Variants in NCKAP5 observed in about 807,000 individuals in gnomAD.
The protein encoded by NCKAP5 is NCK associated protein 5, also known as nck-associated protein 5.
A neutral mutation model predicts 167.0 loss-of-function variants in NCKAP5; 92 were observed. That is an observed-to-expected ratio of 0.55 (90% CI 0.47 to 0.66). NCKAP5 has a LOEUF of 0.66. Ranked by LOEUF, NCKAP5 falls within the 30% of genes least tolerant of loss-of-function variation. The pLI is 0.00. For synonymous variants in NCKAP5, 891 were observed against 877.4 expected (o/e 1.02, Z -0.27); for missense variants, 2,378 against 2,315.0 (o/e 1.03, Z -0.56).
At chr2:132,773,674 A>C in intron 16 of NCKAP5, 142 bp downstream of exon 16, 2 of 663,392 alleles carry the variant, frequency 3.0e-6, no homozygotes, top group Non-Finnish European at 5.0e-6. Flanking sequence ...CCAATGTCTA[A>C]GGAGATAATG....
chr2:133,591,751 A>T, the NCKAP5 span, among the ~76,000 whole-genome samples: 1 of 152,218 alleles, frequency 6.6e-6, no homozygotes, highest in Non-Finnish European at 1.5e-5. Flanking sequence ...GAAATGAGGA[A>T]TTGAAGCTCA....
chr2:133,104,104 G>A (rs962798158), intron 6 of NCKAP5, among the ~76,000 whole-genome samples: 7 of 150,944 alleles, frequency 4.6e-5, no homozygotes, highest in African/African-American at 1.7e-4. Context: ...TTCTTGACCT[G>A]AAACAAAATC....
intron 3 of NCKAP5, among the ~76,000 whole-genome samples, chr2:133,505,108 T>C (rs78096865): frequency 0.066 from 9,978 of 152,198 alleles, 371 homozygotes; most frequent in South Asian, 0.16. Flanking sequence ...CTATGGGCAC[T>C]TCTGGAAGCT....
chr2:133,345,558 A>T (rs1683914834), intron 3 of NCKAP5, among the ~76,000 whole-genome samples: 2 of 152,170 alleles, frequency 1.3e-5, no homozygotes. Context: ...CATCCCAATG[A>T]TTCTAGTTTA....
At chr2:133,270,474 T>C (rs968928785) in intron 4 of NCKAP5, among the ~76,000 whole-genome samples, 8 of 152,276 alleles carry the variant, frequency 5.3e-5, no homozygotes, top group Admixed American at 4.6e-4. Context: ...AGCCATTAAG[T>C]AAAGGTTTGA....
rs527913967 is a variant in NCKAP5 at position 132,681,376 on chromosome 2, G to A, written c.5714-8071C>T. Among the ~76,000 whole-genome samples the A allele has an allele frequency of 1.7e-4, 25 of 147,222 alleles. No homozygotes were observed. In the South Asian group the frequency reaches 4.3e-3, roughly 25 times the overall value. On this transcript the variant is annotated intron_variant, in intron 19 of 19. Coordinates refer to ENST00000409261, the MANE Select transcript of NCKAP5 (RefSeq NM_207363.3). ...TTTTTTTTTAACTACCCTTTGCATC[G>A]TTTTATGTCTTAAATATGTCTTAAA... is the stretch of plus-strand genomic sequence containing the variant.
chr2:133,467,127 T>C (rs890508886), intron 3 of NCKAP5, among the ~76,000 whole-genome samples: 6 of 152,030 alleles, frequency 3.9e-5, no homozygotes, highest in African/African-American at 1.4e-4. Flanking sequence ...GCCCATTCAG[T>C]ATGATACTGG....
chr2:132,947,964 C>T (rs1465110687), intron 8 of NCKAP5, among the ~76,000 whole-genome samples: 2 of 152,144 alleles, frequency 1.3e-5, no homozygotes, highest in Admixed American at 1.3e-4. Flanking sequence ...CCAAACTCAA[C>T]TCACCCTGAC....
intron 3 of NCKAP5, among the ~76,000 whole-genome samples, chr2:133,489,029 C>T (rs1344772253): frequency 6.6e-6 from 1 of 152,168 alleles, no homozygotes; most frequent in Non-Finnish European, 1.5e-5. Flanking sequence ...TTTGAGGCTG[C>T]AGTGTGCCAT....
At chr2:133,000,554 C>T (rs2077743569) in intron 6 of NCKAP5, among the ~76,000 whole-genome samples, 1 of 152,184 alleles carries the variant, frequency 6.6e-6, no homozygotes, top group Admixed American at 6.5e-5. Flanking sequence ...TCAACACATA[C>T]TTCACTTTGG....
intron 2 of NCKAP5, among the ~76,000 whole-genome samples, chr2:133,525,145 A>C (rs950410510): frequency 7.9e-5 from 12 of 152,246 alleles, no homozygotes; most frequent in African/African-American, 9.6e-5. Flanking sequence ...ATTTAGAAGA[A>C]GATTAAATGC....
intron 3 of NCKAP5, among the ~76,000 whole-genome samples, chr2:133,315,091 G>A (rs1177187456): frequency 1.3e-5 from 2 of 152,286 alleles, no homozygotes; most frequent in African/African-American, 4.8e-5. Flanking sequence ...AGTGACATAG[G>A]GAACAATTGC....
At chr2:133,016,938 C>T (rs771623181) in intron 6 of NCKAP5, among the ~76,000 whole-genome samples, 3 of 152,168 alleles carry the variant, frequency 2.0e-5, no homozygotes, top group Non-Finnish European at 2.9e-5. Context: ...ATTTATAATG[C>T]CTTCTACATT....
intron 6 of NCKAP5, among the ~76,000 whole-genome samples, chr2:133,042,074 A>G (rs2149457724): frequency 6.6e-6 from 1 of 152,286 alleles, no homozygotes; most frequent in South Asian, 2.1e-4. Flanking sequence ...TAATCATCTG[A>G]GGATTAAATA....
At chr2:133,515,842 C>A (rs1683940232) in intron 3 of NCKAP5, among the ~76,000 whole-genome samples, 1 of 152,264 alleles carries the variant, frequency 6.6e-6, no homozygotes, top group African/African-American at 2.4e-5. Flanking sequence ...TCGCAGCTAT[C>A]TGGGCTCTGC....
At chr2:133,174,430 T>C (rs1393675028) in intron 5 of NCKAP5, among the ~76,000 whole-genome samples, 2 of 152,190 alleles carry the variant, frequency 1.3e-5, no homozygotes, top group African/African-American at 2.4e-5. Flanking sequence ...ATGGAAGAGA[T>C]ACCTTGAGAC....
intron 3 of NCKAP5, among the ~76,000 whole-genome samples, chr2:133,370,673 G>T (rs1685744611): frequency 6.7e-6 from 1 of 149,214 alleles, no homozygotes; most frequent in Admixed American, 6.7e-5. Flanking sequence ...AGCAGTTAAT[G>T]AAGTCAATTT....
chr2:132,968,358 A>C (rs573658056), intron 7 of NCKAP5, among the ~76,000 whole-genome samples: 45 of 152,314 alleles, frequency 3.0e-4, no homozygotes, highest in South Asian at 2.3e-3. Context: ...GAAGGGATTG[A>C]ATCAGGACTT....
At chr2:133,087,944 T>C (rs2081047673) in intron 6 of NCKAP5, among the ~76,000 whole-genome samples, 1 of 152,212 alleles carries the variant, frequency 6.6e-6, no homozygotes, top group Non-Finnish European at 1.5e-5. Flanking sequence ...GCTGCCATTC[T>C]AGTGGGAGAG....
Sources: allele counts gnomAD v4.1 joint callset (sites outside exome capture counted in the v4.1 genomes callset), GRCh38; gene constraint gnomAD v4.1.1; transcripts MANE v1.5; gene names NCBI Gene and HGNC (gene_info 2026-07-23, HGNC 2026-07-21).